ECE1: variants seen among roughly 807,000 people sequenced by gnomAD.
ECE1 encodes the protein endothelin converting enzyme 1.
In ECE1, 35 loss-of-function variants were observed where a neutral mutation model predicts 98.6. The ratio of observed to expected loss-of-function variants is 0.35; its 90% CI spans 0.27 to 0.47. The LOEUF (loss-of-function observed/expected upper bound fraction) is 0.47, where lower values mean the gene tolerates loss of function less well. Ranked by LOEUF, ECE1 falls within the 20% of genes least tolerant of loss-of-function variation. The pLI, the probability that ECE1 is intolerant of heterozygous loss-of-function variation, is 1.00. For missense variants in ECE1, 814 were observed against 1,025.3 expected (o/e 0.79, Z 2.81); for synonymous variants, 394 against 407.1 (o/e 0.97, Z 0.39).
At position 21,244,997 on chromosome 1, in the gene ECE1, T is replaced by G; in HGVS notation, c.1270A>C (p.Thr424Pro). 6.2e-7 allele frequency: 1 copy of G among 1,614,120 alleles called. No homozygotes were observed. Among genetic ancestry groups the G allele is most frequent in the Non-Finnish European group, 8.5e-7 (1 of 1,179,968 alleles). ...DEKFMEVMYG[T>P]KKTCLPRWKF... ...CGCAGTAGCAGGCTCACCTTCTTGGTCCCGTACATGACTTCCATGAACTTC... is the reference window on the plus strand; with the variant it reads ...CGCAGTAGCAGGCTCACCTTCTTGGGCCCGTACATGACTTCCATGAACTTC... Residue 424 changes from threonine (T) to proline (P), a missense_variant, in exon 10 of 19, where the codon ACC becomes CCC. Thr to Pro is a conservative substitution (Grantham distance 38). Transcript: ENST00000374893.
intron 1 of ECE1, among the ~76,000 whole-genome samples, chr1:21,323,920 G>A (rs1256068949): frequency 6.6e-6 from 1 of 151,024 alleles, no homozygotes; most frequent in Non-Finnish European, 1.5e-5. Context: ...CGGGTTTCAA[G>A]CTATTTTCCT....
At chr1:21,242,127 G>A (rs1327407972) in intron 10 of ECE1, among the ~76,000 whole-genome samples, 2 of 152,150 alleles carry the variant, frequency 1.3e-5, no homozygotes, top group Non-Finnish European at 2.9e-5. Context: ...GGATCCCCTC[G>A]TCTAATCTTA....
intron 1 of ECE1, among the ~76,000 whole-genome samples, chr1:21,302,625 A>G (rs1256522949): frequency 6.6e-6 from 1 of 151,886 alleles, no homozygotes; most frequent in Admixed American, 6.6e-5. Flanking sequence ...ATGACCACAG[A>G]CCCTTTTCCC....
chr1:21,250,898 G>A (rs943348333), intron 8 of ECE1, among the ~76,000 whole-genome samples: 14 of 152,100 alleles, frequency 9.2e-5, no homozygotes, highest in Admixed American at 2.6e-4. Flanking sequence ...TCCCAGCTAC[G>A]CGGGAGGCTG....
chr1:21,257,452 C>T (rs2098221252), intron 7 of ECE1, 73 bp downstream of exon 7: 16 of 1,544,984 alleles, frequency 1.0e-5, no homozygotes, highest in Non-Finnish European at 1.4e-5. Flanking sequence ...AAGACCTGCA[C>T]AGGTGTGGGT....
chr1:21,233,478 G>T lies in ECE1; in HGVS notation c.1670+80C>A. 2.4e-6 allele frequency: 3 copies of T among 1,267,174 alleles called. No individual in the cohort carries two copies. The highest frequency in any genetic ancestry group is 3.4e-6 in the Non-Finnish European group (3 of 874,288). 78.5% of individuals were successfully genotyped at this position (1,267,174 alleles called of 1,614,324 possible). A position where few individuals can be genotyped will look rare whatever the true frequency, so the allele number is the denominator to read the frequency against. On this transcript the variant is annotated intron_variant, in intron 14 of 18. Transcript: ENST00000374893. The surrounding 1 kb of genome is among the most constrained non-coding windows in gnomAD (Gnocchi z 4.0). The stretch of plus-strand genomic sequence containing the variant: ...AGCTGATCGGGTGCACAGTGAGGGT[G>T]CAATGAAGGCCAGTTCGTCCCAAGG...
In ECE1 at chr1:21,251,621, C is replaced by A. The variant is rs1108901; in HGVS notation, c.1021-4258G>T. ...ACCTGCGGAGCTGGTAAGAGATGTG[C>A]GCAGCGGACTTGGGGGCCAGGGGGC... On this transcript the variant is annotated intron_variant, in intron 8 of 18. Transcript: ENST00000374893. Among the ~76,000 whole-genome samples the A allele has an allele frequency of 9.7e-3, 1,474 of 152,272 alleles. 27 individuals carry two copies. The highest frequency in any genetic ancestry group is 0.033 in the African/African-American group (1,377 of 41,558).
intron 8 of ECE1, among the ~76,000 whole-genome samples, chr1:21,253,387 A>T (rs928862900): frequency 5.3e-5 from 8 of 152,094 alleles, no homozygotes; most frequent in South Asian, 2.1e-4. Context: ...ACATAATTTT[A>T]AAAATATGCA....
At chr1:21,274,673 G>T (rs2098244397) in intron 3 of ECE1, among the ~76,000 whole-genome samples, 2 of 152,174 alleles carry the variant, frequency 1.3e-5, no homozygotes. Context: ...AGGTTCATTT[G>T]TGGAATTAGT....
chr1:21,272,779 G>C lies in ECE1; in HGVS notation c.413C>G (p.Pro138Arg). ...YACGGWIKAN[P>R]VPDGHSRWGT... ...CCAGCGTGAGTGGCCATCAGGGACT[G>C]GGTTGGCCTTGATCCAGCCCCCACA... The change falls in exon 4 of 19, where the codon CCA becomes CGA. Residue 138 changes from proline (P) to arginine (R), a missense_variant. Transcript: ENST00000374893. 6.2e-7 allele frequency: 1 copy of C among 1,614,290 alleles called. No individual in the cohort carries two copies.
At chr1:21,269,832 A>C (rs2098238142) in intron 4 of ECE1, among the ~76,000 whole-genome samples, 1 of 152,218 alleles carries the variant, frequency 6.6e-6, no homozygotes, top group African/African-American at 2.4e-5. Flanking sequence ...GCACACCAGG[A>C]CTGCTTGACT....
rs562954137 is a variant in ECE1, at chr1:21,225,364, G to A, written c.1926C>T (p.Thr642=). The A allele has an allele frequency of 3.0e-5, 48 of 1,614,198 alleles. No homozygotes were observed. In the South Asian group the frequency reaches 4.4e-4, roughly 15 times the overall value. The change falls in exon 17 of 19, where the codon ACC becomes ACT. Residue 642 remains threonine, a synonymous_variant. Transcript: ENST00000374893. This position sits in a 1 kb window ranked among gnomAD's most constrained non-coding sequence, Gnocchi z 5.3. The part of the protein sequence containing the change: ...NSSVEAFKRQ[T]ECMVEQYSNY... Reference sequence around the variant, plus strand: ...TGCTGTACTGCTCTACCATGCACTCGGTCTGACGCTTGAAGGCCTCCACGG... The same window carrying A: ...TGCTGTACTGCTCTACCATGCACTCAGTCTGACGCTTGAAGGCCTCCACGG...
Position 21,340,377 on chromosome 1 carries a change from AGAG to A in ECE1, c.3+4996_3+4998del, listed in dbSNP as rs1174934547. 6.6e-6 allele frequency among the ~76,000 whole-genome samples: 1 copy of A among 152,248 alleles called. No individual in the cohort carries two copies. The highest frequency in any genetic ancestry group is 1.5e-5 in the Non-Finnish European group (1 of 68,048). Reference sequence around the variant, plus strand: ...GCATGCCAGGGGCGTGGTTTGGGCTAGAGGAGGACTGGATGGTGCCTGCAGCAC... The same window carrying A: ...GCATGCCAGGGGCGTGGTTTGGGCTAGAGGACTGGATGGTGCCTGCAGCAC... On this transcript the variant is annotated intron_variant, in intron 1 of 18. Coordinates refer to the ECE1 transcript ENST00000415912. This position sits in a 1 kb window ranked among gnomAD's most constrained non-coding sequence, Gnocchi z 4.6.
chr1:21,307,266 G>C lies in ECE1; in HGVS notation c.4-17110C>G, dbSNP rs1638619216. ...ACTTTTGCTCTTCACAGCGACTCTG[G>C]GGGGCTGGAGCTAGCATCTCCACAT... On this transcript the variant is annotated intron_variant, in intron 1 of 18. Coordinates refer to the ECE1 transcript ENST00000415912. This position sits in a 1 kb window ranked among gnomAD's most constrained non-coding sequence, Gnocchi z 4.2. Among the ~76,000 whole-genome samples the C allele has an allele frequency of 1.3e-5, 2 of 152,190 alleles. No individual in the cohort carries two copies. The highest frequency in any genetic ancestry group is 1.3e-4 in the Admixed American group (2 of 15,284).
intron 4 of ECE1, among the ~76,000 whole-genome samples, chr1:21,268,023 T>C (rs766393025): frequency 1.3e-5 from 2 of 152,224 alleles, no homozygotes; most frequent in Non-Finnish European, 2.9e-5. Flanking sequence ...GAGCACGCAT[T>C]GATTTTTTTG....
chr1:21,238,097 T>G, intron 11 of ECE1, 37 bp downstream of exon 11: 1 of 1,586,146 alleles, frequency 6.3e-7, no homozygotes, highest in Non-Finnish European at 8.7e-7. Flanking sequence ...ACAACAAGTG[T>G]GACCTCACAG....
chr1:21,235,409 G>C lies in ECE1; in HGVS notation c.1566+441C>G, dbSNP rs1224143630. 6.6e-6 allele frequency among the ~76,000 whole-genome samples: 1 copy of C among 152,204 alleles called. No individual in the cohort carries two copies. The highest frequency in any genetic ancestry group is 1.5e-5 in the Non-Finnish European group (1 of 68,036). ...TCTGGGGAGGTGGAGGAGGGCCGCA[G>C]GGACAGGAGGTAACTGGAAGCACGA... On this transcript the variant is annotated intron_variant, in intron 13 of 18. Transcript: ENST00000374893. The surrounding 1 kb of genome is among the most constrained non-coding windows in gnomAD (Gnocchi z 4.2).
Position 21,233,812 on chromosome 1 carries a change from T to C in ECE1, c.1567-151A>G. The C allele has an allele frequency of 1.4e-6, 1 of 725,396 alleles. No individual in the cohort carries two copies. The highest frequency in any genetic ancestry group is 2.4e-6 in the Non-Finnish European group (1 of 420,422). 44.9% of individuals were successfully genotyped at this position (725,396 alleles called of 1,614,324 possible). ...TGGGGCTGCAGGGTCAGCTCTTCTC[T>C]TGGCCTTCACCCTGGGGCACGAGAT... On this transcript the variant is annotated intron_variant, in intron 13 of 18. Transcript: ENST00000374893. This position sits in a 1 kb window ranked among gnomAD's most constrained non-coding sequence, Gnocchi z 4.0.
At chr1:21,343,872 T>G (rs528056120) in intron 1 of ECE1, among the ~76,000 whole-genome samples, 12 of 152,300 alleles carry the variant, frequency 7.9e-5, no homozygotes, top group Non-Finnish European at 1.6e-4. Flanking sequence ...AGGGTGGGCT[T>G]AGAGGCAGAG....
Sources: gnomAD v4.1 joint callset for allele counts (sites outside exome capture counted in the v4.1 genomes callset) on GRCh38, gnomAD v4.1.1 for gene constraint, Gnocchi (gnomAD v3.1) non-coding constraint, MANE v1.5 for transcripts, NCBI Gene and HGNC (gene_info 2026-07-23, HGNC 2026-07-21) for gene names.